ANKRD17: variants seen among roughly 807,000 people sequenced by gnomAD.
The protein encoded by ANKRD17 is ankyrin repeat domain 17.
ANKRD17 carries 19 observed loss-of-function variants against 229.7 expected under a neutral mutation model. The observed-to-expected ratio is 0.08, with a 90% CI of 0.06 to 0.12. The LOEUF (loss-of-function observed/expected upper bound fraction) is 0.12. ANKRD17 is among the 10% of genes least tolerant of loss of function. The probability of loss-of-function intolerance (pLI) is 1.00; values close to 1 mark genes in which losing one functional copy is unlikely to be tolerated. For synonymous variants in ANKRD17, 1,112 were observed against 1,146.1 expected (o/e 0.97, Z 0.60); for missense variants, 2,176 against 3,176.8 (o/e 0.68, Z 7.57).
At chr4:73,098,787 C>T in intron 25 of ANKRD17, 1 of 1,363,742 alleles carries the variant, frequency 7.3e-7, no homozygotes, top group Non-Finnish European at 1.0e-6. Flanking sequence ...CCATTCCAGC[C>T]ATCAATCTTC....
intron 2 of ANKRD17, among the ~76,000 whole-genome samples, chr4:73,165,112 G>C (rs572422229): frequency 6.6e-6 from 1 of 152,104 alleles, no homozygotes; most frequent in East Asian, 1.9e-4. Context: ...AATGTATAAA[G>C]ACAAAGTAAA....
In ANKRD17 at chr4:73,074,317, T is replaced by A. The variant is rs1408083758; in HGVS notation, c.*1914A>T. The A allele has an allele frequency of 2.0e-5, 3 of 151,932 alleles. No homozygotes were observed. Among genetic ancestry groups the A allele is most frequent in the African/African-American group, 7.2e-5 (3 of 41,412 alleles). The allele number at this position is 151,932 out of a possible 1,614,324, so 9.4% of individuals were successfully genotyped here. On this transcript the variant is annotated 3_prime_UTR_variant, in exon 34 of 34. Transcript: ENST00000358602. Reference sequence around the variant, plus strand: ...ACCTTAAATAGAAAATAACCCTAGTTAACACAGGAAAGAATTAAGAAAAAA... The same window carrying A: ...ACCTTAAATAGAAAATAACCCTAGTAAACACAGGAAAGAATTAAGAAAAAA...
intron 1 of ANKRD17, among the ~76,000 whole-genome samples, chr4:73,256,374 C>T (rs1454535116): frequency 6.6e-6 from 1 of 152,184 alleles, no homozygotes; most frequent in Non-Finnish European, 1.5e-5. Flanking sequence ...TGCTCTAAAC[C>T]AGAGCTTAAT....
chr4:73,232,926 T>C (rs1339991368), intron 1 of ANKRD17, among the ~76,000 whole-genome samples: 2 of 152,196 alleles, frequency 1.3e-5, no homozygotes, highest in Non-Finnish European at 2.9e-5. Context: ...TTTCACCATG[T>C]TGGCCAGGCT....
intron 30 of ANKRD17, among the ~76,000 whole-genome samples, chr4:73,084,294 C>T (rs1258816377): frequency 6.6e-6 from 1 of 152,058 alleles, no homozygotes; most frequent in African/African-American, 2.4e-5. Context: ...GGGAGAATCG[C>T]TTGAGCCATT....
At chr4:73,224,757 T>C (rs1261707042) in intron 1 of ANKRD17, among the ~76,000 whole-genome samples, 1 of 152,106 alleles carries the variant, frequency 6.6e-6, no homozygotes, top group Non-Finnish European at 1.5e-5. Context: ...CAAAAAGAGG[T>C]TAAGCAACTT....
chr4:73,215,244 C>A (rs1740854731), intron 1 of ANKRD17, among the ~76,000 whole-genome samples: 1 of 151,592 alleles, frequency 6.6e-6, no homozygotes, highest in African/African-American at 2.4e-5. Context: ...TCTGAGAACA[C>A]TGATGCTGTT....
At position 73,113,902 on chromosome 4, in the gene ANKRD17, G is replaced by T; in HGVS notation, c.4291C>A (p.Leu1431Met). The T allele has an allele frequency of 6.2e-7, 1 of 1,605,686 alleles. No individual in the cohort carries two copies. Reference protein sequence around the residue: ...YIATITDKEMLKKCHLCMESI... With the variant: ...YIATITDKEMMKKCHLCMESI... ...TCCATACAAAGATGACACTTCTTCA[G>T]CATCTCCTATAATGAAAAATTAAGA... is the stretch of plus-strand genomic sequence containing the variant. Residue 1431 changes from leucine (L) to methionine (M), a missense_variant, in exon 24 of 34, where the codon CTG (leucine) becomes ATG (methionine). By Grantham distance (15) the Leu-to-Met change is conservative (BLOSUM62 2). This residue lies in a region of ANKRD17 where 178 missense variants were observed against 421.7 expected (regional missense o/e 0.42). Coordinates refer to ENST00000358602, the MANE Select transcript of ANKRD17 (RefSeq NM_032217.5).
At chr4:73,094,583 A>G (rs1411597418) in intron 27 of ANKRD17, among the ~76,000 whole-genome samples, 1 of 152,020 alleles carries the variant, frequency 6.6e-6, no homozygotes, top group Non-Finnish European at 1.5e-5. Context: ...TTGACTATCT[A>G]CACGCTAATT....
Position 73,120,222 on chromosome 4 carries a change from G to T in ANKRD17, c.3965C>A (p.Thr1322Lys). The change falls in exon 21 of 34, where the codon ACA becomes AAA. Residue 1322 changes from threonine to lysine, a missense_variant. By Grantham distance (78) the Thr-to-Lys change is moderately conservative. Around this residue, in one of 18 missense-constraint regions of ANKRD17, gnomAD observed 178 missense variants for 421.7 expected, o/e 0.42. Coordinates refer to ENST00000358602, the MANE Select transcript of ANKRD17 (RefSeq NM_032217.5). ...TTTATCTGCTGCTATGGTTAAAGCT[G>T]TATCTCTTGAGGAGGGAACTGGAGG... ...NAPPVPSSRD[T>K]ALTIAADKGH... 1 of 1,614,080 alleles carries T rather than the reference G, an allele frequency of 6.2e-7. No individual in the cohort carries two copies. The highest frequency in any genetic ancestry group is 8.5e-7 in the Non-Finnish European group (1 of 1,180,000).
chr4:73,131,035 G>A (rs1728130617), intron 16 of ANKRD17, among the ~76,000 whole-genome samples: 1 of 152,102 alleles, frequency 6.6e-6, no homozygotes, highest in Non-Finnish European at 1.5e-5. Flanking sequence ...ACAAAGGTCA[G>A]AGCAATGCTA....
intron 1 of ANKRD17, among the ~76,000 whole-genome samples, chr4:73,235,315 G>C (rs569361211): frequency 6.6e-6 from 1 of 152,100 alleles, no homozygotes; most frequent in Non-Finnish European, 1.5e-5. Flanking sequence ...TGATACAGAA[G>C]GAAACGCAGA....
At chr4:73,229,565 C>CA (rs1250648570) in intron 1 of ANKRD17, among the ~76,000 whole-genome samples, 1 of 150,960 alleles carries the variant, frequency 6.6e-6, no homozygotes, top group East Asian at 1.9e-4. Context: ...TCAAAAAAAA[C>CA]ACATAAATTC....
intron 15 of ANKRD17, among the ~76,000 whole-genome samples, chr4:73,135,521 T>G (rs902866214): frequency 6.6e-6 from 1 of 152,122 alleles, no homozygotes; most frequent in Non-Finnish European, 1.5e-5. Context: ...TCGTAAAACC[T>G]TAATTCAAAA....
intron 1 of ANKRD17, among the ~76,000 whole-genome samples, chr4:73,194,857 GT>G (rs915187703): frequency 6.6e-6 from 1 of 151,214 alleles, no homozygotes; most frequent in Non-Finnish European, 1.5e-5. Flanking sequence ...CTCATTAACT[GT>G]TTTTTTTAGT....
chr4:73,127,852 A>G (rs1013480407), intron 16 of ANKRD17, among the ~76,000 whole-genome samples: 1 of 152,250 alleles, frequency 6.6e-6, no homozygotes, highest in Non-Finnish European at 1.5e-5. Context: ...ATAACTCTAC[A>G]GACCAAATTC....
intron 2 of ANKRD17, among the ~76,000 whole-genome samples, chr4:73,171,840 TGC>T (rs1734083543): frequency 1.3e-5 from 2 of 152,044 alleles, no homozygotes; most frequent in South Asian, 4.1e-4. Flanking sequence ...TTAGTGAGCT[TGC>T]AGACAGGCTA....
chr4:73,114,045 C>T, intron 23 of ANKRD17, 137 bp from the exon 24 acceptor site: 1 of 563,788 alleles, frequency 1.8e-6, no homozygotes. Flanking sequence ...AAAAGGTGTG[C>T]AAATAAAAAC....
chr4:73,100,208 C>T, intron 25 of ANKRD17, among the ~76,000 whole-genome samples: 1 of 152,206 alleles, frequency 6.6e-6, no homozygotes, highest in Non-Finnish European at 1.5e-5. Flanking sequence ...TGGCCACGAT[C>T]CCCTCCCCTA....
Sources: allele counts gnomAD v4.1 joint callset (sites outside exome capture counted in the v4.1 genomes callset), GRCh38; gene constraint gnomAD v4.1.1; regional missense constraint gnomAD v4.1.1; transcripts MANE v1.5; gene names NCBI Gene and HGNC (gene_info 2026-07-23, HGNC 2026-07-21).